The following EXOG variants were observed in gnomAD, a reference collection of about 807,000 sequenced individuals.
EXOG encodes exo/endonuclease G, also known as nuclease EXOG, mitochondrial.
Under a neutral mutation model 25.8 loss-of-function variants are expected in EXOG, and 27 were observed. The observed-to-expected ratio is 1.05, with a 90% CI of 0.77 to 1.45. The LOEUF is 1.45. EXOG is among the 40% of genes most tolerant of loss of function. The pLI, the probability that EXOG is intolerant of heterozygous loss-of-function variation, is 0.00. For missense variants in EXOG, 458 were observed against 450.5 expected (o/e 1.02, Z -0.15); for synonymous variants, 133 against 167.0 (o/e 0.80, Z 1.57).
chr3:38,510,390 C>A (rs1412464117), intron 5 of EXOG, among the ~76,000 whole-genome samples: 1 of 152,102 alleles, frequency 6.6e-6, no homozygotes, highest in Non-Finnish European at 1.5e-5. Context: ...ATCTAATATA[C>A]AAATTAGATA....
At chr3:38,508,800 G>A (rs539647646) in intron 5 of EXOG, among the ~76,000 whole-genome samples, 1 of 150,866 alleles carries the variant, frequency 6.6e-6, no homozygotes, top group East Asian at 2.0e-4. Flanking sequence ...CAGATGTGCA[G>A]TAATGTCCAA....
intron 5 of EXOG, among the ~76,000 whole-genome samples, chr3:38,520,957 CCA>C (rs1039328917): frequency 6.6e-5 from 10 of 152,078 alleles, no homozygotes; most frequent in African/African-American, 2.4e-4. Flanking sequence ...CCCAATTTTT[CCA>C]AAAGTAGGAA....
At chr3:38,502,578 G>A (rs1046448776) in intron 3 of EXOG, among the ~76,000 whole-genome samples, 1 of 152,018 alleles carries the variant, frequency 6.6e-6, no homozygotes, top group African/African-American at 2.4e-5. Context: ...TAAGAATGAG[G>A]ATGTTTATAT....
chr3:38,503,492 G>A (rs748615448), intron 3 of EXOG, 123 bp from the exon 4 acceptor site: 17 of 545,130 alleles, frequency 3.1e-5, no homozygotes, highest in Non-Finnish European at 4.9e-5. Context: ...ATTGAAACAA[G>A]TAGTCAATAA....
Position 38,525,080 on chromosome 3 carries a change from A to G in EXOG, c.*718A>G. The G allele has an allele frequency of 1.0e-6, 1 of 984,014 alleles. No individual in the cohort carries two copies. The highest frequency in any genetic ancestry group is 1.2e-6 in the Non-Finnish European group (1 of 828,734). 61.0% of individuals were successfully genotyped at this position (984,014 alleles called of 1,614,324 possible). On this transcript the variant is annotated 3_prime_UTR_variant, in exon 6 of 6. Transcript: ENST00000287675. Reference sequence around the variant, plus strand: ...TCTCTACTTCTGTCTACGTAGAAGCACTCAGCAACTAGTTTCTGCTCATTA... The same window carrying G: ...TCTCTACTTCTGTCTACGTAGAAGCGCTCAGCAACTAGTTTCTGCTCATTA...
At chr3:38,497,604 C>CTT (rs72284153) in intron 1 of EXOG, 25 bp from the exon 2 acceptor site, 561 of 1,409,054 alleles carry the variant, frequency 4.0e-4, no homozygotes, top group Middle Eastern at 1.1e-3. Context: ...TCTGCCCCCC[C>CTT]TTTTTTTTTT....
At chr3:38,499,039 A>G in intron 2 of EXOG, 1 of 455,336 alleles carries the variant, frequency 2.2e-6, no homozygotes, top group Non-Finnish European at 4.4e-6. Flanking sequence ...ACTTGTGTTT[A>G]TTGATTATCA....
Position 38,525,184 on chromosome 3 carries a change from A to G in EXOG, c.*822A>G, listed in dbSNP as rs1281968660. ...TCTCTGAGGTAAATACACTATCCCC[A>G]TTTTACCTGTGAGAAAATTGAGGCT... On this transcript the variant is annotated 3_prime_UTR_variant, in exon 6 of 6. Coordinates refer to ENST00000287675, the MANE Select transcript of EXOG (RefSeq NM_005107.4). 2 of 938,548 alleles carry G rather than the reference A, an allele frequency of 2.1e-6. No homozygotes were observed. Among genetic ancestry groups the G allele is most frequent in the Non-Finnish European group, 2.5e-6 (2 of 787,748 alleles). 58.1% of individuals were successfully genotyped at this position (938,548 alleles called of 1,614,324 possible).
intron 2 of EXOG, chr3:38,499,993 G>A (rs1317803890): frequency 7.9e-6 from 2 of 252,996 alleles, no homozygotes; most frequent in African/African-American, 4.6e-5. Context: ...TGTAGGTCTT[G>A]CAGTGTAGGA....
In EXOG at chr3:38,496,920, T is replaced by C. The variant is rs184196470; in HGVS notation, c.163+390T>C. ...AACCAGCACAGTACCTGGTACATAA[T>C]TGGCATTCAGTAAGTATGAATGAAG... is the stretch of plus-strand genomic sequence containing the variant. On this transcript the variant is annotated intron_variant, in intron 1 of 5. Coordinates refer to ENST00000287675, the MANE Select transcript of EXOG (RefSeq NM_005107.4). The C allele has an allele frequency of 3.0e-5, 34 of 1,142,786 alleles. No individual in the cohort carries two copies. The Admixed American group carries it at 4.9e-4, about 17-fold the overall frequency. 70.8% of individuals were successfully genotyped at this position (1,142,786 alleles called of 1,614,324 possible). A position where few individuals can be genotyped will look rare whatever the true frequency, so the allele number is the denominator to read the frequency against.
chr3:38,515,496 G>C (rs1039707234), intron 5 of EXOG: 2 of 171,204 alleles, frequency 1.2e-5, no homozygotes, highest in African/African-American at 4.8e-5. Context: ...GCTCCAGGGG[G>C]GAAAAGTGGA....
At chr3:38,518,057 CTTGCCAAGAAT>C (rs1171484690) in intron 5 of EXOG, among the ~76,000 whole-genome samples, 4 of 152,162 alleles carry the variant, frequency 2.6e-5, no homozygotes, top group African/African-American at 9.6e-5. Flanking sequence ...TCTTGAAATT[CTTGCCAAGAAT>C]TTAATTGGGC....
intron 4 of EXOG, among the ~76,000 whole-genome samples, chr3:38,504,856 A>C (rs575219315): frequency 6.6e-6 from 1 of 152,248 alleles, no homozygotes; most frequent in African/African-American, 2.4e-5. Context: ...CTTTCAGGCT[A>C]TTGTGTTTTT....
chr3:38,520,052 ATATC>A (rs1315814758), intron 5 of EXOG, among the ~76,000 whole-genome samples: 1 of 152,156 alleles, frequency 6.6e-6, no homozygotes, highest in African/African-American at 2.4e-5. Context: ...GTAACCAAAT[ATATC>A]TATCTAATTC....
rs1362127294 is a variant in EXOG at position 38,524,843 on chromosome 3, G to A, written c.*481G>A. ...GCATTTGTATCCCTGTGGATGTAGA[G>A]TATTGGGAAGGCATTTGTTTAGTTT... is the stretch of plus-strand genomic sequence containing the variant. On this transcript the variant is annotated 3_prime_UTR_variant, in exon 6 of 6. Coordinates refer to ENST00000287675, the MANE Select transcript of EXOG (RefSeq NM_005107.4). 2.0e-6 allele frequency: 2 copies of A among 986,762 alleles called. No homozygotes were observed. Among genetic ancestry groups the A allele is most frequent in the Non-Finnish European group, 2.4e-6 (2 of 830,976 alleles). The allele number at this position is 986,762 out of a possible 1,614,324, so 61.1% of individuals were successfully genotyped here.
intron 5 of EXOG, among the ~76,000 whole-genome samples, chr3:38,512,023 T>C (rs1559688463): frequency 6.6e-6 from 1 of 152,230 alleles, no homozygotes; most frequent in African/African-American, 2.4e-5. Flanking sequence ...CTTTCTTATC[T>C]ACAGAAGCCC....
chr3:38,503,645 A>G lies in EXOG; in HGVS notation c.484A>G (p.Asn162Asp). 6.2e-7 allele frequency: 1 copy of G among 1,608,030 alleles called. No individual in the cohort carries two copies. ...KAMAETFYLS[N>D]IVPQDFDNNS... The stretch of plus-strand genomic sequence containing the variant: ...CATGGCTGAAACCTTTTACCTTTCT[A>G]ACATTGTGCCTCAGGATTTTGATAA... Residue 162 changes from asparagine to aspartate, a missense_variant, in exon 4 of 6, where the codon AAC becomes GAC. Coordinates refer to ENST00000287675, the MANE Select transcript of EXOG (RefSeq NM_005107.4).
At chr3:38,512,752 G>A (rs1176342960) in intron 5 of EXOG, among the ~76,000 whole-genome samples, 1 of 152,050 alleles carries the variant, frequency 6.6e-6, no homozygotes, top group East Asian at 1.9e-4. Flanking sequence ...GGCAAGTCCA[G>A]CCCATAGAGG....
rs1426725187 is a variant in EXOG at position 38,526,230 on chromosome 3, C to T, written c.*1868C>T. 1.0e-6 allele frequency: 1 copy of T among 984,976 alleles called. No individual in the cohort carries two copies. The highest frequency in any genetic ancestry group is 1.7e-5 in the African/African-American group (1 of 57,210). 61.0% of individuals were successfully genotyped at this position (984,976 alleles called of 1,614,324 possible). A position where few individuals can be genotyped will look rare whatever the true frequency, so the allele number is the denominator to read the frequency against. On this transcript the variant is annotated 3_prime_UTR_variant, in exon 6 of 6. Coordinates refer to ENST00000287675, the MANE Select transcript of EXOG (RefSeq NM_005107.4). ...CTGCTGTCTTTTCCGAGTGGTATTA[C>T]AAGAAAGATTTTTGTGGTGTGTTTG... is the stretch of plus-strand genomic sequence containing the variant.
Sources: gnomAD v4.1 joint callset for allele counts (sites outside exome capture counted in the v4.1 genomes callset) on GRCh38, gnomAD v4.1.1 for gene constraint, MANE v1.5 for transcripts, NCBI Gene and HGNC (gene_info 2026-07-23, HGNC 2026-07-21) for gene names.